The following MTA3 variants were observed in gnomAD, a reference collection of about 807,000 sequenced individuals.
The protein encoded by MTA3 is metastasis associated 1 family member 3.
Under a neutral mutation model 83.5 loss-of-function variants are expected in MTA3, and 34 were observed. The observed-to-expected ratio is 0.41, with a 90% CI of 0.31 to 0.54. MTA3 has a LOEUF of 0.54. Ranked by LOEUF, MTA3 falls within the 20% of genes least tolerant of loss-of-function variation. MTA3 has a pLI of 0.33. For missense variants in MTA3, 761 were observed against 726.4 expected (o/e 1.05, Z -0.55); for synonymous variants, 303 against 252.7 (o/e 1.20, Z -1.89).
intron 4 of MTA3, among the ~76,000 whole-genome samples, chr2:42,611,100 G>A (rs1329975619): frequency 6.6e-6 from 1 of 151,162 alleles, no homozygotes; most frequent in African/African-American, 2.4e-5. Flanking sequence ...TCCTGCCTCA[G>A]CCTTCCGAGT....
intron 6 of MTA3, among the ~76,000 whole-genome samples, chr2:42,653,858 T>G (rs546716225): frequency 3.3e-5 from 5 of 152,210 alleles, no homozygotes; most frequent in Admixed American, 3.3e-4. Flanking sequence ...GCAACATCAT[T>G]TCTTGTGTGT....
intron 14 of MTA3, chr2:42,712,987 A>G (rs539215206): frequency 1.3e-4 from 20 of 152,376 alleles, no homozygotes; most frequent in Non-Finnish European, 2.8e-4. Flanking sequence ...AAAGATCTAC[A>G]GAATCATCCA....
intron 6 of MTA3, among the ~76,000 whole-genome samples, chr2:42,654,086 C>G (rs1462295706): frequency 6.6e-6 from 1 of 152,218 alleles, no homozygotes; most frequent in Non-Finnish European, 1.5e-5. Context: ...AGAATGAAGT[C>G]CTTTCAAACC....
rs774105800 is a variant in MTA3 at position 42,755,440 on chromosome 2, C to A, written c.*2041C>A. ...GGAGAAGGGAGGCCCCTCCTATCTA[C>A]CCAGTTGACATTTGGCTTTGGGAAA... On this transcript the variant is annotated 3_prime_UTR_variant, in exon 17 of 17. Transcript: ENST00000405094. 2.4e-4 allele frequency: 238 copies of A among 985,382 alleles called. No individual in the cohort carries two copies. The highest frequency in any genetic ancestry group is 2.6e-4 in the Non-Finnish European group (212 of 829,968). The allele number at this position is 985,382 out of a possible 1,614,324, so 61.0% of individuals were successfully genotyped here.
intron 4 of MTA3, among the ~76,000 whole-genome samples, chr2:42,639,372 C>T (rs767471538): frequency 6.6e-6 from 1 of 152,126 alleles, no homozygotes; most frequent in Non-Finnish European, 1.5e-5. Flanking sequence ...GTATTTGTAA[C>T]TTGAATAATC....
intron 8 of MTA3, among the ~76,000 whole-genome samples, chr2:42,674,665 C>G (rs1387371036): frequency 1.4e-5 from 2 of 146,550 alleles, no homozygotes; most frequent in Non-Finnish European, 1.5e-5. Context: ...GTGGCCCGAT[C>G]TCAGCTCACT....
intron 4 of MTA3, among the ~76,000 whole-genome samples, chr2:42,635,473 C>T (rs960801093): frequency 1.3e-5 from 2 of 151,940 alleles, no homozygotes; most frequent in African/African-American, 4.8e-5. Flanking sequence ...ACTAAAAATA[C>T]AAAAATGAGC....
At chr2:42,633,821 G>T (rs1415530278) in intron 4 of MTA3, among the ~76,000 whole-genome samples, 1 of 151,152 alleles carries the variant, frequency 6.6e-6, no homozygotes, top group African/African-American at 2.4e-5. Context: ...CCCGGGAGGC[G>T]GAGCTTGCAG....
At chr2:42,498,370 G>T (rs976184856) in intron 2 of MTA3, among the ~76,000 whole-genome samples, 1 of 152,212 alleles carries the variant, frequency 6.6e-6, no homozygotes, top group Non-Finnish European at 1.5e-5. Flanking sequence ...CTGAATGGTA[G>T]AAAGGAGAGC....
At chr2:42,511,543 C>CT (rs1177566202) in intron 2 of MTA3, 1 of 152,096 alleles carries the variant, frequency 6.6e-6, no homozygotes, top group East Asian at 1.9e-4. Context: ...ATGGTGACAC[C>CT]CTGTCTCTAC....
At chr2:42,656,102 C>A in intron 6 of MTA3, 98 bp from the exon 7 acceptor site, 2 of 896,754 alleles carry the variant, frequency 2.2e-6, no homozygotes, top group Non-Finnish European at 3.5e-6. Context: ...TTACCTTACA[C>A]ATAAACATTT....
intron 14 of MTA3, 199 bp downstream of exon 14, chr2:42,709,295 AC>A: frequency 7.1e-7 from 1 of 1,412,416 alleles, no homozygotes; most frequent in Non-Finnish European, 9.2e-7. Flanking sequence ...AAAAATCAAA[AC>A]ATTGAAACTT....
intron 16 of MTA3, among the ~76,000 whole-genome samples, chr2:42,750,922 C>T (rs1018112617): frequency 2.0e-5 from 3 of 152,198 alleles, no homozygotes; most frequent in Non-Finnish European, 4.4e-5. Context: ...TTGCTTCAGT[C>T]CCCTCCCCTA....
chr2:42,644,396 T>A (rs558520433), intron 6 of MTA3, among the ~76,000 whole-genome samples, 152 bp downstream of exon 6: 24 of 151,996 alleles, frequency 1.6e-4, no homozygotes, highest in African/African-American at 5.3e-4. Flanking sequence ...AAATAAAAAA[T>A]AAATAAATAA....
intron 11 of MTA3, among the ~76,000 whole-genome samples, chr2:42,698,234 T>G (rs1228272136): frequency 1.3e-5 from 2 of 152,192 alleles, no homozygotes; most frequent in Non-Finnish European, 2.9e-5. Flanking sequence ...TTACATTGTT[T>G]TCTTGGTTCC....
chr2:42,752,212 A>G (rs926526363), intron 16 of MTA3: 2 of 471,432 alleles, frequency 4.2e-6, no homozygotes, highest in Non-Finnish European at 4.4e-6. Flanking sequence ...CAAGCTGGGT[A>G]CAGGTATCTT....
intron 2 of MTA3, among the ~76,000 whole-genome samples, chr2:42,574,909 G>T (rs903840): frequency 1 from 151,685 of 152,362 alleles, 75,507 homozygotes; most frequent in East Asian, 1. Context: ...GGCCTCAAGT[G>T]TAGATCAGTC....
chr2:42,574,212 A>G (rs188007370), intron 2 of MTA3, among the ~76,000 whole-genome samples: 10 of 134,154 alleles, frequency 7.5e-5, no homozygotes, highest in Middle Eastern at 4.4e-3. Context: ...TCCTCTCACC[A>G]CAACCTCTGC....
intron 16 of MTA3, among the ~76,000 whole-genome samples, chr2:42,750,836 A>G (rs909415947): frequency 1.6e-4 from 24 of 151,988 alleles, no homozygotes; most frequent in African/African-American, 3.6e-4. Flanking sequence ...GGACGTAGAC[A>G]GTTGCCTGGT....
Sources: allele counts gnomAD v4.1 joint callset (sites outside exome capture counted in the v4.1 genomes callset), GRCh38; gene constraint gnomAD v4.1.1; transcripts MANE v1.5; gene names NCBI Gene and HGNC (gene_info 2026-07-23, HGNC 2026-07-21).